SPIRE1: variants seen among roughly 807,000 people sequenced by gnomAD.
SPIRE1 encodes the protein protein spire homolog 1.
A neutral mutation model predicts 94.1 loss-of-function variants in SPIRE1; 40 were observed. The ratio of observed to expected loss-of-function variants is 0.43; its 90% CI spans 0.33 to 0.55. The LOEUF is 0.55. Among genes scored for constraint, SPIRE1 ranks in the 20% least tolerant of loss-of-function variants. SPIRE1 has a pLI of 0.06. For synonymous variants in SPIRE1, 376 were observed against 371.7 expected, an observed-to-expected ratio of 1.01 and a Z score of -0.13; for missense variants, 838 against 975.2, an observed-to-expected ratio of 0.86 and a Z score of 1.87.
rs537369521 is a variant in SPIRE1 at position 12,639,332 on chromosome 18, G to A, written c.338-4236C>T. ...TAGAGGGATTCATTCCTTAGGTCTG[G>A]TGCAGTAAAACAGAAGTGGCCAACC... is the stretch of plus-strand genomic sequence containing the variant. On this transcript the variant is annotated intron_variant, in intron 1 of 16. Coordinates refer to ENST00000409402, the MANE Select transcript of SPIRE1 (RefSeq NM_001128626.2). 5.9e-5 allele frequency among the ~76,000 whole-genome samples: 9 copies of A among 152,250 alleles called. No homozygotes were observed. In the South Asian group the frequency reaches 1.9e-3, roughly 32 times the overall value.
rs145697985 is a variant in SPIRE1 at position 12,626,570 on chromosome 18, T to C, written c.372+8492A>G. Among the ~76,000 whole-genome samples, 619 of 152,240 alleles carry C rather than the reference T, an allele frequency of 4.1e-3. 3 individuals carry two copies. The highest frequency in any genetic ancestry group is 0.014 in the African/African-American group (582 of 41,552). On this transcript the variant is annotated intron_variant, in intron 2 of 16. Coordinates refer to ENST00000409402, the MANE Select transcript of SPIRE1 (RefSeq NM_001128626.2). ...CTGAAGTAGCTGCAGTTAAGAGGCA[T>C]ATAAGGAGATACAAAGGCATCTCAT...
chr18:12,450,507 A>G, intron 16 of SPIRE1: 1 of 536,350 alleles, frequency 1.9e-6, no homozygotes, highest in Non-Finnish European at 3.2e-6. Flanking sequence ...CTTTTTGTGC[A>G]GACGTGCAGA....
intron 12 of SPIRE1, among the ~76,000 whole-genome samples, chr18:12,461,414 A>ATG (rs5823218): frequency 0.13 from 18,159 of 140,070 alleles, 1,405 homozygotes; most frequent in Middle Eastern, 0.25. Context: ...ATACACATGT[A>ATG]TGTGTGTGTG....
chr18:12,617,157 C>CCATTTTTTTTTT (rs1567969865), intron 2 of SPIRE1, among the ~76,000 whole-genome samples: 1 of 78,142 alleles, frequency 1.3e-5, no homozygotes, highest in African/African-American at 4.4e-5. Context: ...ACCATGCTCA[C>CCATTTTTTTTTT]TATTTTTTTT....
chr18:12,652,665 T>C (rs1233561074), intron 1 of SPIRE1, among the ~76,000 whole-genome samples: 1 of 152,046 alleles, frequency 6.6e-6, no homozygotes, highest in Non-Finnish European at 1.5e-5. Context: ...TTTACCTGAA[T>C]GCTAAATAAA....
Position 12,540,928 on chromosome 18 carries a change from C to A in SPIRE1, c.604-5327G>T, listed in dbSNP as rs140147593. 2.6e-4 allele frequency among the ~76,000 whole-genome samples: 40 copies of A among 152,294 alleles called. 1 individual carries two copies. Among genetic ancestry groups the A allele is most frequent in the African/African-American group, 7.5e-4 (31 of 41,574 alleles). ...ACTGTCCTGCCTGGGGTGTGAATCACCCCTTTGTGCAGCATATTTGCTCTC... is the reference window on the plus strand; with the variant it reads ...ACTGTCCTGCCTGGGGTGTGAATCAACCCTTTGTGCAGCATATTTGCTCTC... On this transcript the variant is annotated intron_variant, in intron 3 of 16. Coordinates refer to ENST00000409402, the MANE Select transcript of SPIRE1 (RefSeq NM_001128626.2).
chr18:12,562,977 T>C (rs577814186), intron 2 of SPIRE1, among the ~76,000 whole-genome samples: 1 of 152,320 alleles, frequency 6.6e-6, no homozygotes, highest in South Asian at 2.1e-4. Flanking sequence ...AGAGTGGTGA[T>C]GAGTATATTT....
intron 2 of SPIRE1, among the ~76,000 whole-genome samples, chr18:12,573,331 C>T (rs188298252): frequency 5.8e-4 from 88 of 152,102 alleles, no homozygotes; most frequent in African/African-American, 2.1e-3. Context: ...ACTCGTAACA[C>T]CAAATGCTAG....
intron 2 of SPIRE1, among the ~76,000 whole-genome samples, chr18:12,575,403 T>C (rs1485677923): frequency 2.6e-5 from 4 of 152,246 alleles, no homozygotes; most frequent in African/African-American, 4.8e-5. Context: ...TCTCAGTCTG[T>C]TGCCCAGGGT....
At chr18:12,656,310 T>C (rs953945591) in intron 1 of SPIRE1, among the ~76,000 whole-genome samples, 1 of 151,912 alleles carries the variant, frequency 6.6e-6, no homozygotes, top group African/African-American at 2.4e-5. Context: ...AATAAGCCCA[T>C]CAAAGAAACA....
At chr18:12,572,462 A>G (rs1267530042) in intron 2 of SPIRE1, among the ~76,000 whole-genome samples, 3 of 151,966 alleles carry the variant, frequency 2.0e-5, no homozygotes, top group Non-Finnish European at 4.4e-5. Flanking sequence ...GAATTAGAAA[A>G]TTACCCAGGC....
chr18:12,526,254 C>T (rs2034522275), intron 4 of SPIRE1, among the ~76,000 whole-genome samples: 1 of 152,148 alleles, frequency 6.6e-6, no homozygotes, highest in African/African-American at 2.4e-5. Flanking sequence ...TCTCCCTCTG[C>T]CCTTCTACCT....
At chr18:12,450,980 G>A (rs764309884) in intron 16 of SPIRE1, 56 of 599,134 alleles carry the variant, frequency 9.3e-5, no homozygotes, top group Admixed American at 8.9e-5. Context: ...CCAGAAAAAG[G>A]TGGAAGAGGA....
chr18:12,554,430 C>G (rs1212018457), intron 2 of SPIRE1, among the ~76,000 whole-genome samples: 1 of 151,904 alleles, frequency 6.6e-6, no homozygotes, highest in East Asian at 1.9e-4. Flanking sequence ...ATACAACCTA[C>G]CAAGATCAAA....
At chr18:12,645,966 C>T (rs2038212047) in intron 1 of SPIRE1, among the ~76,000 whole-genome samples, 1 of 152,222 alleles carries the variant, frequency 6.6e-6, no homozygotes, top group Admixed American at 6.5e-5. Flanking sequence ...CACGTGCCAA[C>T]TCCAAATAAT....
chr18:12,657,625 C>G lies in SPIRE1; in HGVS notation c.242G>C (p.Arg81Pro). 5.3e-6 allele frequency: 7 copies of G among 1,308,450 alleles called. No homozygotes were observed. Among genetic ancestry groups the G allele is most frequent in the Non-Finnish European group, 6.8e-6 (7 of 1,029,326 alleles). 81.1% of individuals were successfully genotyped at this position (1,308,450 alleles called of 1,614,324 possible). ...GCGGATCTGCGCGGCCGAGCGCACA[C>G]GGTGGCGGGGCTGGCGGCGGCGGGC... ...AAARRRQPRHRVRSAAQIRVW... is the reference protein window; with the variant it reads ...AAARRRQPRHPVRSAAQIRVW... Residue 81 changes from arginine (R) to proline (P), a missense_variant, in exon 1 of 17, where the codon CGT (arginine) becomes CCT (proline). Physicochemically the swap from Arg to Pro is moderately radical, Grantham distance 103. Coordinates refer to ENST00000409402, the MANE Select transcript of SPIRE1 (RefSeq NM_001128626.2).
intron 2 of SPIRE1, among the ~76,000 whole-genome samples, chr18:12,633,580 GA>G (rs35011369): frequency 2.5e-4 from 35 of 138,466 alleles, no homozygotes; most frequent in African/African-American, 6.4e-4. Context: ...TGTCTCAAAA[GA>G]AAAAAAAAAA....
At chr18:12,583,269 C>T (rs757726277) in intron 2 of SPIRE1, among the ~76,000 whole-genome samples, 17 of 152,070 alleles carry the variant, frequency 1.1e-4, no homozygotes, top group Non-Finnish European at 1.8e-4. Flanking sequence ...CCCAGGAGTT[C>T]GAGACCAGCA....
At position 12,542,167 on chromosome 18, in the gene SPIRE1, C is replaced by T. The variant is rs549755701; in HGVS notation, c.603+4507G>A. Among the ~76,000 whole-genome samples the T allele has an allele frequency of 2.8e-4, 42 of 151,896 alleles. 1 individual carries two copies. Among genetic ancestry groups the T allele is most frequent in the Admixed American group, 2.4e-3 (37 of 15,240 alleles). ...AACTTTTTTGTCTTTTTAGTAGAGA[C>T]GGGGTTTCACCATGGTAGTCAGGTC... On this transcript the variant is annotated intron_variant, in intron 3 of 16. Transcript: ENST00000409402.
Sources: gnomAD v4.1 joint callset for allele counts (sites outside exome capture counted in the v4.1 genomes callset) on GRCh38, gnomAD v4.1.1 for gene constraint, MANE v1.5 for transcripts, NCBI Gene and HGNC (gene_info 2026-07-23, HGNC 2026-07-21) for gene names.